The following ZNF827 variants were observed in gnomAD, a reference collection of about 807,000 sequenced individuals.
ZNF827 encodes zinc finger protein 827.
A neutral mutation model predicts 102.4 loss-of-function variants in ZNF827; 13 were observed. The observed-to-expected ratio is 0.13, with a 90% confidence interval of 0.08 to 0.20. ZNF827 has a LOEUF of 0.20. ZNF827 is among the 10% of genes least tolerant of loss of function. ZNF827 has a pLI of 1.00. For missense variants in ZNF827, 1,103 were observed against 1,344.4 expected, an observed-to-expected ratio of 0.82 and a Z score of 2.81; for synonymous variants, 523 against 536.2, an observed-to-expected ratio of 0.98 and a Z score of 0.34.
At chr4:145,918,408 T>TTA (rs1246276269) in intron 1 of ZNF827, among the ~76,000 whole-genome samples, 8 of 148,332 alleles carry the variant, frequency 5.4e-5, no homozygotes, top group East Asian at 3.9e-4. Context: ...TACTTTTTCT[T>TTA]TATATATAAA....
At chr4:145,803,621 T>G (rs1340615340) in intron 8 of ZNF827, among the ~76,000 whole-genome samples, 1 of 152,202 alleles carries the variant, frequency 6.6e-6, no homozygotes, top group African/African-American at 2.4e-5. Context: ...GGGAGACATC[T>G]TTTCTTCCTC....
intron 8 of ZNF827, among the ~76,000 whole-genome samples, chr4:145,809,942 T>C (rs1741847222): frequency 1.3e-5 from 2 of 152,214 alleles, no homozygotes; most frequent in South Asian, 4.1e-4. Flanking sequence ...TTAAACTCTT[T>C]ACTGCAATAA....
intron 7 of ZNF827, among the ~76,000 whole-genome samples, chr4:145,836,928 C>G (rs1365449609): frequency 6.6e-6 from 1 of 152,186 alleles, no homozygotes; most frequent in African/African-American, 2.4e-5. Context: ...CCCTTCCCTA[C>G]ACATCAAGCT....
At chr4:145,888,224 A>G (rs1579483503) in intron 3 of ZNF827, among the ~76,000 whole-genome samples, 4 of 152,294 alleles carry the variant, frequency 2.6e-5, no homozygotes, top group Admixed American at 2.6e-4. Flanking sequence ...AAAGGACTAT[A>G]TATCACATTT....
chr4:145,889,403 T>G (rs1750403156), intron 3 of ZNF827, among the ~76,000 whole-genome samples: 1 of 152,216 alleles, frequency 6.6e-6, no homozygotes, highest in Non-Finnish European at 1.5e-5. Context: ...ACAGACTGTA[T>G]GATTATTATC....
In ZNF827 at chr4:145,900,254, A is replaced by C. The variant is rs557131789; in HGVS notation, c.1093+1912T>G. 6.6e-5 allele frequency among the ~76,000 whole-genome samples: 10 copies of C among 152,292 alleles called. No homozygotes were observed. In the East Asian group the frequency reaches 1.9e-3, roughly 29 times the overall value. On this transcript the variant is annotated intron_variant, in intron 2 of 14. Coordinates refer to ENST00000508784, the MANE Select transcript of ZNF827 (RefSeq NM_001306215.2). ...TTCAGGAAACATGGTTTTATCAGTC[A>C]CTTCTTTCCAAGTCTTCAATCAACT...
At chr4:145,906,083 G>A (rs894967151) in intron 1 of ZNF827, among the ~76,000 whole-genome samples, 1 of 152,136 alleles carries the variant, frequency 6.6e-6, no homozygotes, top group Non-Finnish European at 1.5e-5. Context: ...TATTAAATAC[G>A]TTAAGTAAAG....
intron 11 of ZNF827, among the ~76,000 whole-genome samples, chr4:145,769,264 A>C (rs1005945872): frequency 3.3e-5 from 5 of 152,084 alleles, no homozygotes; most frequent in African/African-American, 1.2e-4. Context: ...TCTTGGTACA[A>C]GAAAGCTATG....
chr4:145,932,013 A>C (rs2048161), intron 1 of ZNF827, among the ~76,000 whole-genome samples: 1 of 152,088 alleles, frequency 6.6e-6, no homozygotes, highest in Non-Finnish European at 1.5e-5. Context: ...TCAAGAAAGG[A>C]ATTAGTGCGT....
chr4:145,824,431 A>G (rs1018558485), intron 7 of ZNF827, among the ~76,000 whole-genome samples: 1 of 152,220 alleles, frequency 6.6e-6, no homozygotes, highest in Admixed American at 6.5e-5. Flanking sequence ...AACCATAGGA[A>G]CTGGGTACCC....
intron 8 of ZNF827, among the ~76,000 whole-genome samples, chr4:145,786,400 A>G (rs1738872360): frequency 6.6e-6 from 1 of 152,220 alleles, no homozygotes; most frequent in South Asian, 2.1e-4. Context: ...ATATGACCTC[A>G]ATGCATAAAT....
chr4:145,926,620 G>C (rs1753447155), intron 1 of ZNF827, among the ~76,000 whole-genome samples: 1 of 152,158 alleles, frequency 6.6e-6, no homozygotes, highest in Non-Finnish European at 1.5e-5. Context: ...TTATCTCTGG[G>C]GGTGGAAGTT....
chr4:145,775,737 T>A, intron 10 of ZNF827, 52 bp downstream of exon 10: 1 of 1,605,750 alleles, frequency 6.2e-7, no homozygotes, highest in African/African-American at 1.3e-5. Flanking sequence ...TAGGAAGTGT[T>A]GAAGTCAAGA....
At chr4:145,845,820 G>A (rs1745873377) in intron 7 of ZNF827, 136 bp downstream of exon 7, 1 of 788,594 alleles carries the variant, frequency 1.3e-6, no homozygotes, top group African/African-American at 1.7e-5. Flanking sequence ...AGAAATTCTG[G>A]TAGAACATGG....
chr4:145,889,531 A>T (rs1020718094), intron 3 of ZNF827, among the ~76,000 whole-genome samples: 8 of 151,368 alleles, frequency 5.3e-5, no homozygotes, highest in African/African-American at 1.9e-4. Flanking sequence ...TTGAGATCTT[A>T]ATCTCTGGCT....
chr4:145,793,412 G>C (rs1740031439), intron 8 of ZNF827, among the ~76,000 whole-genome samples: 1 of 86,198 alleles, frequency 1.2e-5, no homozygotes, highest in African/African-American at 4.3e-5. Context: ...CAAGCTTGAG[G>C]ACCAAGGAGA....
chr4:145,773,802 T>C (rs1055958084), intron 11 of ZNF827, among the ~76,000 whole-genome samples: 1 of 152,154 alleles, frequency 6.6e-6, no homozygotes, highest in Non-Finnish European at 1.5e-5. Flanking sequence ...ACACATGCCA[T>C]GCGTCATTAA....
At chr4:145,833,552 C>A (rs1301196372) in intron 7 of ZNF827, among the ~76,000 whole-genome samples, 2 of 151,486 alleles carry the variant, frequency 1.3e-5, no homozygotes, top group African/African-American at 2.4e-5. Flanking sequence ...GGAAGAGGGG[C>A]AAGTACCACT....
At chr4:145,904,305 T>C (rs1477151000) in intron 1 of ZNF827, among the ~76,000 whole-genome samples, 3 of 152,242 alleles carry the variant, frequency 2.0e-5, no homozygotes, top group Non-Finnish European at 4.4e-5. Flanking sequence ...CCTGCCTTCT[T>C]GGAGCTTACA....
Sources: gnomAD v4.1 joint callset for allele counts (sites outside exome capture counted in the v4.1 genomes callset) on GRCh38, gnomAD v4.1.1 for gene constraint, MANE v1.5 for transcripts, NCBI Gene and HGNC (gene_info 2026-07-23, HGNC 2026-07-21) for gene names.